The following AMOTL1 variants were observed in gnomAD, a reference collection of about 807,000 sequenced individuals.
The protein encoded by AMOTL1 is angiomotin like 1.
Under a neutral mutation model 102.9 loss-of-function variants are expected in AMOTL1, and 45 were observed. The observed-to-expected ratio is 0.44, with a 90% CI of 0.34 to 0.56. The LOEUF is 0.56. AMOTL1 is among the 20% of genes least tolerant of loss of function. AMOTL1 has a pLI of 0.01. For missense variants in AMOTL1, 1,114 were observed against 1,225.6 expected (o/e 0.91, Z 1.36); for synonymous variants, 481 against 484.7 (o/e 0.99, Z 0.10).
At chr11:94,829,119 A>C (rs1256379138) in intron 4 of AMOTL1, among the ~76,000 whole-genome samples, 2 of 152,136 alleles carry the variant, frequency 1.3e-5, no homozygotes, top group Admixed American at 1.3e-4. Flanking sequence ...GATTTAGTGA[A>C]ATATTTTTTT....
intron 1 of AMOTL1, among the ~76,000 whole-genome samples, chr11:94,710,422 TCTC>T (rs1950005227): frequency 1.3e-5 from 2 of 152,290 alleles, no homozygotes; most frequent in South Asian, 4.1e-4. Flanking sequence ...AGACATGTCT[TCTC>T]AGTTTCTTCT....
At chr11:94,773,316 C>A (rs1308774352) in intron 1 of AMOTL1, among the ~76,000 whole-genome samples, 3 of 152,182 alleles carry the variant, frequency 2.0e-5, no homozygotes, top group Non-Finnish European at 4.4e-5. Flanking sequence ...CAGACATTTT[C>A]TGCTGTGTTT....
At chr11:94,749,443 C>G (rs1591927185) in intron 3 of AMOTL1, among the ~76,000 whole-genome samples, 1 of 152,196 alleles carries the variant, frequency 6.6e-6, no homozygotes, top group Admixed American at 6.5e-5. Flanking sequence ...CAAATGCCAG[C>G]CTCTTCTGGA....
At chr11:94,822,473 C>A (rs1376172737) in intron 4 of AMOTL1, among the ~76,000 whole-genome samples, 1 of 152,108 alleles carries the variant, frequency 6.6e-6, no homozygotes. Context: ...GTGAGAGATA[C>A]CAAATTTTCC....
chr11:94,848,445 G>C (rs1307621405), intron 6 of AMOTL1, among the ~76,000 whole-genome samples: 1 of 152,186 alleles, frequency 6.6e-6, no homozygotes, highest in African/African-American at 2.4e-5. Flanking sequence ...AGGAAGCACA[G>C]CCACCACTTA....
chr11:94,748,348 C>T (rs1950612708), intron 3 of AMOTL1, among the ~76,000 whole-genome samples: 1 of 152,162 alleles, frequency 6.6e-6, no homozygotes, highest in Non-Finnish European at 1.5e-5. Flanking sequence ...AAGTGGTGGG[C>T]ACAACCTGAA....
intron 11 of AMOTL1, among the ~76,000 whole-genome samples, chr11:94,868,322 G>A (rs1952923484): frequency 1.3e-5 from 2 of 152,320 alleles, no homozygotes; most frequent in African/African-American, 4.8e-5. Context: ...CTATAGGCTA[G>A]CATTCTAGGG....
intron 3 of AMOTL1, among the ~76,000 whole-genome samples, chr11:94,750,608 C>T (rs1180117754): frequency 6.6e-6 from 1 of 152,174 alleles, no homozygotes; most frequent in East Asian, 1.9e-4. Flanking sequence ...CTATCCCCTG[C>T]CTTGCTCCCG....
intron 1 of AMOTL1, among the ~76,000 whole-genome samples, chr11:94,713,529 A>C (rs1430621122): frequency 6.6e-6 from 1 of 151,648 alleles, no homozygotes; most frequent in African/African-American, 2.4e-5. Context: ...TTCTGCACTT[A>C]TGTGAGTCTT....
At chr11:94,868,446 T>C (rs1952926523) in intron 11 of AMOTL1, among the ~76,000 whole-genome samples, 1 of 152,128 alleles carries the variant, frequency 6.6e-6, no homozygotes, top group Non-Finnish European at 1.5e-5. Flanking sequence ...ACGCCTCCCA[T>C]TTCCATAGCC....
chr11:94,853,930 C>T lies in AMOTL1; in HGVS notation c.1795-3C>T. ...GTGCTCTTTTTTACTCTTCTCCACT[C>T]AGTTACGAGAGAAGCAAGCATATGT... On this transcript the variant is annotated splice_region_variant and splice_polypyrimidine_tract_variant and intron_variant, in intron 7 of 12. Transcript: ENST00000433060. 1 of 1,607,390 alleles carries T rather than the reference C, an allele frequency of 6.2e-7. No individual in the cohort carries two copies. Among genetic ancestry groups the T allele is most frequent in the East Asian group, 2.2e-5 (1 of 44,702 alleles).
At chr11:94,816,429 T>G (rs1356147568) in intron 3 of AMOTL1, among the ~76,000 whole-genome samples, 1 of 152,210 alleles carries the variant, frequency 6.6e-6, no homozygotes, top group African/African-American at 2.4e-5. Flanking sequence ...CGCTTTTTAT[T>G]AGTTTGACTT....
chr11:94,710,724 T>C (rs976807480), intron 1 of AMOTL1, among the ~76,000 whole-genome samples: 2 of 152,178 alleles, frequency 1.3e-5, no homozygotes, highest in Admixed American at 1.3e-4. Context: ...AATATTTACA[T>C]TCTGAATATC....
chr11:94,862,859 A>G (rs1007122316), intron 9 of AMOTL1, among the ~76,000 whole-genome samples: 11 of 152,184 alleles, frequency 7.2e-5, no homozygotes, highest in Non-Finnish European at 1.5e-4. Flanking sequence ...TTTGCTTTCT[A>G]CATCATTTGG....
chr11:94,848,984 G>A (rs1952477129), intron 6 of AMOTL1, among the ~76,000 whole-genome samples: 2 of 152,154 alleles, frequency 1.3e-5, no homozygotes, highest in South Asian at 4.1e-4. Flanking sequence ...GTTCTCTATG[G>A]TTCAGTGTGG....
intron 3 of AMOTL1, among the ~76,000 whole-genome samples, chr11:94,752,067 C>T (rs908370545): frequency 2.0e-5 from 3 of 152,080 alleles, no homozygotes; most frequent in East Asian, 1.9e-4. Context: ...TGGAATTTAT[C>T]CTGTTTGTTT....
intron 9 of AMOTL1, 85 bp downstream of exon 9, chr11:94,859,800 G>T: frequency 7.1e-7 from 1 of 1,406,590 alleles, no homozygotes; most frequent in Non-Finnish European, 9.4e-7. Flanking sequence ...AGAGGTCCAA[G>T]GCCCATCCTA....
At chr11:94,842,747 A>G (rs1210956450) in intron 6 of AMOTL1, among the ~76,000 whole-genome samples, 1 of 152,172 alleles carries the variant, frequency 6.6e-6, no homozygotes, top group Non-Finnish European at 1.5e-5. Flanking sequence ...AAAATGAAGG[A>G]CAGCTGAAGA....
intron 6 of AMOTL1, among the ~76,000 whole-genome samples, chr11:94,839,220 G>C (rs1377019836): frequency 2.0e-5 from 3 of 152,170 alleles, no homozygotes; most frequent in Non-Finnish European, 4.4e-5. Context: ...CATCCTTCAG[G>C]TCCTGCCTGG....
Sources: allele counts gnomAD v4.1 joint callset (sites outside exome capture counted in the v4.1 genomes callset), GRCh38; gene constraint gnomAD v4.1.1; transcripts MANE v1.5; gene names NCBI Gene and HGNC (gene_info 2026-07-23, HGNC 2026-07-21).